The following ATP10A variants were observed in gnomAD, a reference collection of about 807,000 sequenced individuals.
ATP10A encodes phospholipid-transporting ATPase VA.
ATP10A carries 111 observed loss-of-function variants against 147.8 expected under a neutral mutation model. The ratio of observed to expected loss-of-function variants is 0.75; its 90% CI spans 0.64 to 0.88. ATP10A has a LOEUF of 0.88. ATP10A is among the 40% of genes least tolerant of loss of function. The pLI, the probability that ATP10A is intolerant of heterozygous loss-of-function variation, is 0.00. For synonymous variants in ATP10A, 875 were observed against 841.6 expected, an observed-to-expected ratio of 1.04 and a Z score of -0.69; for missense variants, 1,927 against 1,959.0, an observed-to-expected ratio of 0.98 and a Z score of 0.31.
intron 5 of ATP10A, among the ~76,000 whole-genome samples, chr15:25,724,628 G>A (rs772847166): frequency 6.6e-5 from 10 of 152,176 alleles, no homozygotes; most frequent in Non-Finnish European, 1.3e-4. Context: ...CCCTTCTTAG[G>A]ATCCAAAGCC....
chr15:25,816,012 G>T (rs971718176), intron 1 of ATP10A, among the ~76,000 whole-genome samples: 6 of 149,852 alleles, frequency 4.0e-5, no homozygotes, highest in Non-Finnish European at 7.4e-5. Context: ...TTAAATCAAA[G>T]ATTTCCACGG....
At chr15:25,704,560 T>C (rs745883969) in intron 12 of ATP10A, among the ~76,000 whole-genome samples, 1 of 152,224 alleles carries the variant, frequency 6.6e-6, no homozygotes, top group Non-Finnish European at 1.5e-5. Context: ...ACCTCCTTAG[T>C]TCAGGAGCTA....
chr15:25,690,813 T>A (rs904863741), intron 15 of ATP10A, among the ~76,000 whole-genome samples: 2 of 152,178 alleles, frequency 1.3e-5, no homozygotes, highest in South Asian at 4.1e-4. Flanking sequence ...TTCAATTTTC[T>A]GGAGGAAGAA....
At chr15:25,797,931 C>T (rs1238874050) in intron 1 of ATP10A, among the ~76,000 whole-genome samples, 1 of 152,146 alleles carries the variant, frequency 6.6e-6, no homozygotes, top group African/African-American at 2.4e-5. Flanking sequence ...GTGTGTTACC[C>T]AGAGAGCACA....
At chr15:25,800,590 G>T (rs765379146) in intron 1 of ATP10A, among the ~76,000 whole-genome samples, 32 of 152,298 alleles carry the variant, frequency 2.1e-4, no homozygotes, top group Non-Finnish European at 3.2e-4. Flanking sequence ...CACCTTCCCG[G>T]AAGAAGCTAC....
chr15:25,850,312 CGGTTTTCTGAG>C (rs1336939159), intron 1 of ATP10A, among the ~76,000 whole-genome samples: 3 of 152,196 alleles, frequency 2.0e-5, no homozygotes, highest in African/African-American at 7.2e-5. Flanking sequence ...ACAATGCTCT[CGGTTTTCTGAG>C]TCAACCATGC....
chr15:25,863,135 G>A lies in ATP10A; in HGVS notation c.-39C>T. 6 of 1,112,486 alleles carry A rather than the reference G, an allele frequency of 5.4e-6. No homozygotes were observed. Among genetic ancestry groups the A allele is most frequent in the Non-Finnish European group, 6.6e-6 (6 of 910,600 alleles). 68.9% of individuals were successfully genotyped at this position (1,112,486 alleles called of 1,614,324 possible). ...CGCGCCCGGCTCCTCCGCCGCTCAC[G>A]CCCGCCCGCGCCGGCCTCTTAGGTT... On this transcript the variant is annotated 5_prime_UTR_variant, in exon 1 of 21. Transcript: ENST00000555815.
chr15:25,675,663 G>A (rs2140262301), downstream of ATP10A, among the ~76,000 whole-genome samples: 1 of 152,248 alleles, frequency 6.6e-6, no homozygotes, highest in East Asian at 1.9e-4. Context: ...AGAAAAACAA[G>A]GTCAGGCGGC....
intron 2 of ATP10A, among the ~76,000 whole-genome samples, chr15:25,759,065 C>T (rs1209282784): frequency 6.6e-6 from 1 of 152,250 alleles, no homozygotes; most frequent in South Asian, 2.1e-4. Context: ...CCAGGGGCCA[C>T]GTGCGTCAGG....
chr15:25,850,653 C>T (rs1230040464), intron 1 of ATP10A, among the ~76,000 whole-genome samples: 5 of 148,668 alleles, frequency 3.4e-5, no homozygotes, highest in African/African-American at 7.5e-5. Context: ...CCCCCCCCAG[C>T]CCCGGTGACT....
intron 1 of ATP10A, among the ~76,000 whole-genome samples, chr15:25,833,718 C>T (rs987910167): frequency 3.3e-5 from 5 of 152,324 alleles, no homozygotes; most frequent in Admixed American, 6.5e-5. Context: ...CCGTGGCTCA[C>T]GCCTGTAATC....
At chr15:25,833,370 C>T (rs1025364642) in intron 1 of ATP10A, among the ~76,000 whole-genome samples, 12 of 152,058 alleles carry the variant, frequency 7.9e-5, no homozygotes, top group African/African-American at 2.9e-4. Context: ...CACTGAAAAG[C>T]AACACTGAGG....
At chr15:25,824,720 C>A (rs916832083) in intron 1 of ATP10A, among the ~76,000 whole-genome samples, 2 of 146,656 alleles carry the variant, frequency 1.4e-5, no homozygotes, top group African/African-American at 4.9e-5. Context: ...TTTTTCAGGT[C>A]TCTGAAAATT....
At chr15:25,710,500 G>T (rs1901343692) in intron 10 of ATP10A, 1 of 152,196 alleles carries the variant, frequency 6.6e-6, no homozygotes, top group Non-Finnish European at 1.5e-5. Flanking sequence ...CAGCTGGCGA[G>T]TGGTGCTTGC....
chr15:25,818,675 C>T (rs1043923404), intron 1 of ATP10A, among the ~76,000 whole-genome samples: 4 of 152,016 alleles, frequency 2.6e-5, no homozygotes, highest in East Asian at 1.9e-4. Flanking sequence ...AGAACAAAGC[C>T]GGGGCATCAC....
intron 1 of ATP10A, among the ~76,000 whole-genome samples, chr15:25,804,470 G>A (rs540149734): frequency 6.8e-5 from 9 of 133,212 alleles, no homozygotes; most frequent in African/African-American, 2.4e-4. Flanking sequence ...TGTGTGTGGT[G>A]TATGTATGTG....
chr15:25,737,082 C>T (rs1259659534), intron 2 of ATP10A, among the ~76,000 whole-genome samples: 1 of 152,194 alleles, frequency 6.6e-6, no homozygotes, highest in African/African-American at 2.4e-5. Flanking sequence ...GTAAAGCGTA[C>T]ATTAAAAGGG....
intron 2 of ATP10A, among the ~76,000 whole-genome samples, chr15:25,752,130 T>A (rs893071052): frequency 1.3e-5 from 2 of 152,132 alleles, no homozygotes; most frequent in Non-Finnish European, 2.9e-5. Flanking sequence ...AAAAATAGAA[T>A]TACCATATGA....
At chr15:25,745,365 G>A (rs1055421989) in intron 2 of ATP10A, among the ~76,000 whole-genome samples, 19 of 151,228 alleles carry the variant, frequency 1.3e-4, no homozygotes, top group African/African-American at 3.9e-4. Flanking sequence ...AAAAAAAAAA[G>A]GGAAATTGAT....
Sources: allele counts gnomAD v4.1 joint callset (sites outside exome capture counted in the v4.1 genomes callset), GRCh38; gene constraint gnomAD v4.1.1; transcripts MANE v1.5; gene names NCBI Gene and HGNC (gene_info 2026-07-23, HGNC 2026-07-21).